The following TTC8 variants were observed in gnomAD, a reference collection of about 807,000 sequenced individuals.
The protein encoded by TTC8 is tetratricopeptide repeat protein 8.
TTC8 carries 47 observed loss-of-function variants against 72.5 expected under a neutral mutation model. That is an observed-to-expected ratio of 0.65 (90% CI 0.51 to 0.83). The LOEUF is 0.83. Among genes scored for constraint, TTC8 ranks in the 40% least tolerant of loss-of-function variants. TTC8 has a pLI of 0.00. For synonymous variants in TTC8, 199 were observed against 221.4 expected (o/e 0.90, Z 0.90); for missense variants, 611 against 623.2 (o/e 0.98, Z 0.21).
At chr14:88,842,042 A>C (rs1435408243) in intron 6 of TTC8, among the ~76,000 whole-genome samples, 1 of 152,196 alleles carries the variant, frequency 6.6e-6, no homozygotes, top group African/African-American at 2.4e-5. Flanking sequence ...AATTAAAGAG[A>C]AAATGAGAGG....
In TTC8 at chr14:88,852,959, T is replaced by C. The variant is rs372412832; in HGVS notation, c.625-12T>C. ...AAAGAAAATACTAATCTAAAATGAA[T>C]TGTTTTCAAAGGCTTTGGATCTGGC... On this transcript the variant is annotated splice_polypyrimidine_tract_variant and intron_variant, in intron 7 of 14. Transcript: ENST00000380656. The C allele has an allele frequency of 4.2e-5, 68 of 1,609,538 alleles. No individual in the cohort carries two copies. The highest frequency in any genetic ancestry group is 5.4e-5 in the Non-Finnish European group (63 of 1,176,294).
chr14:88,825,060 C>T lies in TTC8; in HGVS notation c.114+239C>T, dbSNP rs538275364. Among the ~76,000 whole-genome samples, 6 of 152,328 alleles carry T rather than the reference C, an allele frequency of 3.9e-5. No individual in the cohort carries two copies. The South Asian group carries it at 1.2e-3, about 32-fold the overall frequency. On this transcript the variant is annotated intron_variant, in intron 1 of 14. Transcript: ENST00000380656. Reference sequence around the variant, plus strand: ...ACCGCCCCCTCCTCACAATTTTCAGCCTCCCCTCCCCTATACGTGTCCCAG... The same window carrying T: ...ACCGCCCCCTCCTCACAATTTTCAGTCTCCCCTCCCCTATACGTGTCCCAG...
At chr14:88,860,122 A>G (rs1595970947) in intron 9 of TTC8, among the ~76,000 whole-genome samples, 1 of 150,574 alleles carries the variant, frequency 6.6e-6, no homozygotes, top group East Asian at 1.9e-4. Flanking sequence ...ATTATTTGTT[A>G]TATTTTTAAA....
chr14:88,870,180 T>C lies in TTC8; in HGVS notation c.1031T>C (p.Ile344Thr). The C allele has an allele frequency of 6.2e-7, 1 of 1,614,096 alleles. No individual in the cohort carries two copies. The highest frequency in any genetic ancestry group is 8.5e-7 in the Non-Finnish European group (1 of 1,179,974). The change falls in exon 11 of 15, where the codon ATA becomes ACA. Residue 344 changes from isoleucine (I) to threonine (T), a missense_variant. Coordinates refer to ENST00000380656, the MANE Select transcript of TTC8 (RefSeq NM_144596.4). ...CACTTCTATTCTGATCAGCCAGAAA[T>C]AGCTCTCCGGTTTTACAGGTGCACT... ...SNHFYSDQPE[I>T]ALRFYRRLLQ...
intron 10 of TTC8, 150 bp from the exon 11 acceptor site, chr14:88,869,909 T>C: frequency 2.6e-6 from 2 of 759,488 alleles, no homozygotes; most frequent in Admixed American, 4.8e-5. Flanking sequence ...TTTTTGTTCA[T>C]ATTGTATCCC....
intron 7 of TTC8, chr14:88,846,899 A>G: frequency 3.2e-6 from 1 of 309,794 alleles, no homozygotes. Context: ...TACGTAAAAC[A>G]GACAAAAGGT....
At chr14:88,865,058 G>T (rs954382140) in intron 10 of TTC8, among the ~76,000 whole-genome samples, 25 of 152,102 alleles carry the variant, frequency 1.6e-4, no homozygotes, top group African/African-American at 5.3e-4. Flanking sequence ...TGTTTAAAAT[G>T]ATTTATCCTT....
chr14:88,867,535 G>A (rs1327249861), intron 10 of TTC8, among the ~76,000 whole-genome samples: 1 of 152,156 alleles, frequency 6.6e-6, no homozygotes, highest in Non-Finnish European at 1.5e-5. Flanking sequence ...TATTAACAGA[G>A]CCTCTGCCTA....
rs141649761 is a variant in TTC8, at chr14:88,850,464, G to A, written c.625-2507G>A. The stretch of plus-strand genomic sequence containing the variant: ...AGCACTTTGGGAGGCTGAGGCAGGC[G>A]GATCAACTTGAGGTCAAGAGTTTGA... On this transcript the variant is annotated intron_variant, in intron 7 of 14. Transcript: ENST00000380656. Among the ~76,000 whole-genome samples the A allele has an allele frequency of 4.6e-5, 7 of 152,178 alleles. No homozygotes were observed. In the South Asian group the frequency reaches 1.0e-3, roughly 23 times the overall value.
intron 1 of TTC8, among the ~76,000 whole-genome samples, chr14:88,825,369 G>A: frequency 6.6e-6 from 1 of 152,158 alleles, no homozygotes; most frequent in Admixed American, 6.5e-5. Context: ...ATCTAGGAGG[G>A]AGAAAGATAC....
chr14:88,856,856 T>C (rs1335068016), intron 8 of TTC8, among the ~76,000 whole-genome samples: 8 of 152,212 alleles, frequency 5.3e-5, no homozygotes, highest in Non-Finnish European at 8.8e-5. Flanking sequence ...TAAGCATTTA[T>C]TCAGGTCACT....
chr14:88,837,454 T>C (rs2094758084), intron 2 of TTC8, among the ~76,000 whole-genome samples: 1 of 152,246 alleles, frequency 6.6e-6, no homozygotes, highest in Non-Finnish European at 1.5e-5. Context: ...TCTTTCCAGT[T>C]AGAACTAGGA....
intron 10 of TTC8, among the ~76,000 whole-genome samples, chr14:88,863,866 G>T (rs1436052931): frequency 1.3e-5 from 2 of 152,118 alleles, no homozygotes; most frequent in Non-Finnish European, 2.9e-5. Flanking sequence ...GTAAGATCTT[G>T]TTCATAGGTC....
intron 10 of TTC8, among the ~76,000 whole-genome samples, chr14:88,863,280 A>T (rs2094896537): frequency 6.6e-6 from 1 of 152,148 alleles, no homozygotes; most frequent in South Asian, 2.1e-4. Context: ...CACTGCTATG[A>T]TTTATTTCAG....
chr14:88,841,567 T>A, intron 6 of TTC8, 53 bp downstream of exon 6: 1 of 1,389,910 alleles, frequency 7.2e-7, no homozygotes, highest in Middle Eastern at 1.9e-4. Context: ...CGTATGATGA[T>A]AATGACAAAT....
At chr14:88,843,059 G>A (rs2094789440) in intron 6 of TTC8, among the ~76,000 whole-genome samples, 1 of 151,994 alleles carries the variant, frequency 6.6e-6, no homozygotes, top group Non-Finnish European at 1.5e-5. Context: ...TAGCCTCTTT[G>A]CAAGTGTAAC....
In TTC8 at chr14:88,877,443, C is replaced by A; in HGVS notation, c.*33C>A. 6.5e-7 allele frequency: 1 copy of A among 1,547,582 alleles called. No individual in the cohort carries two copies. The highest frequency in any genetic ancestry group is 8.9e-7 in the Non-Finnish European group (1 of 1,119,754). The stretch of plus-strand genomic sequence containing the variant: ...TTAGACCACATATGTTCTTATGAAG[C>A]AGCATTATGCAAGGGGAAAAAAGCA... On this transcript the variant is annotated 3_prime_UTR_variant, in exon 15 of 15. Coordinates refer to ENST00000380656, the MANE Select transcript of TTC8 (RefSeq NM_144596.4).
intron 1 of TTC8, among the ~76,000 whole-genome samples, chr14:88,830,339 T>C (rs1468006068): frequency 1.3e-5 from 2 of 152,204 alleles, no homozygotes; most frequent in Non-Finnish European, 2.9e-5. Flanking sequence ...ACTTTCCATG[T>C]CCTGTTACCC....
intron 14 of TTC8, among the ~76,000 whole-genome samples, chr14:88,875,389 A>G (rs1320201697): frequency 6.6e-6 from 1 of 152,162 alleles, no homozygotes; most frequent in Non-Finnish European, 1.5e-5. Flanking sequence ...TACTCACTTA[A>G]TAACTCCTGG....
Sources: gnomAD v4.1 joint callset for allele counts (sites outside exome capture counted in the v4.1 genomes callset) on GRCh38, gnomAD v4.1.1 for gene constraint, MANE v1.5 for transcripts, NCBI Gene and HGNC (gene_info 2026-07-23, HGNC 2026-07-21) for gene names.